The following KLF8 variants were observed in gnomAD, a reference collection of about 807,000 sequenced individuals.
The protein encoded by KLF8 is KLF transcription factor 8.
A neutral mutation model predicts 18.2 loss-of-function variants in KLF8; 10 were observed. That is an observed-to-expected ratio of 0.55 (90% CI 0.34 to 0.93). KLF8 has a LOEUF of 0.93. Among genes scored for constraint, KLF8 ranks in the 40% least tolerant of loss-of-function variants. KLF8 has a pLI of 0.02. For synonymous variants in KLF8, 109 were observed against 97.3 expected, an observed-to-expected ratio of 1.12 and a Z score of -0.71; for missense variants, 264 against 277.9, an observed-to-expected ratio of 0.95 and a Z score of 0.36.
the KLF8 span, among the ~76,000 whole-genome samples, chrX:55,973,274 C>T: frequency 6.6e-4 from 74 of 111,663 alleles, no homozygotes; most frequent in African/African-American, 2.2e-3. Flanking sequence ...CTAAGACATA[C>T]TATTTTGGAC....
intron 5 of KLF8, among the ~76,000 whole-genome samples, chrX:56,283,948 CT>C (rs1339990382): frequency 8.9e-6 from 1 of 111,956 alleles, no homozygotes; most frequent in African/African-American, 3.2e-5. Context: ...GCTTCCCACT[CT>C]AACATCTTGG....
chrX:56,161,520 A>G, the KLF8 span, among the ~76,000 whole-genome samples: 1 of 111,216 alleles, frequency 9.0e-6, no homozygotes, highest in Middle Eastern at 4.6e-3. Context: ...CATTCATTTG[A>G]TCTTCCATCA....
the KLF8 span, among the ~76,000 whole-genome samples, chrX:56,007,307 G>A: frequency 9.0e-6 from 1 of 110,896 alleles, no homozygotes; most frequent in African/African-American, 3.3e-5. Flanking sequence ...GGTGGGAGTC[G>A]TACTCTCAAA....
chrX:56,049,163 T>G, the KLF8 span, among the ~76,000 whole-genome samples: 3 of 111,800 alleles, frequency 2.7e-5, no homozygotes, highest in African/African-American at 9.8e-5. Flanking sequence ...AAGGAGATTT[T>G]GGGCTGAGAC....
chrX:56,142,586 C>T, the KLF8 span, among the ~76,000 whole-genome samples: 11 of 111,804 alleles, frequency 9.8e-5, no homozygotes, highest in East Asian at 2.8e-3. Context: ...AAACCATACC[C>T]CTGAAATTAT....
the KLF8 span, among the ~76,000 whole-genome samples, chrX:56,163,562 G>T: frequency 1.8e-5 from 2 of 111,926 alleles, no homozygotes; most frequent in African/African-American, 6.5e-5. Context: ...ACCCTTGATA[G>T]TTTCTGTTGC....
At chrX:56,137,957 G>T in the KLF8 span, among the ~76,000 whole-genome samples, 5 of 97,371 alleles carry the variant, frequency 5.1e-5, no homozygotes, top group African/African-American at 7.6e-5. Flanking sequence ...TAGACTGCTA[G>T]ATAGACTAAT....
chrX:56,120,572 C>G, the KLF8 span, among the ~76,000 whole-genome samples: 7 of 111,510 alleles, frequency 6.3e-5, no homozygotes, highest in African/African-American at 2.3e-4. Flanking sequence ...TTTATACCAG[C>G]TCTCCAGAAA....
chrX:56,115,259 C>T, the KLF8 span, among the ~76,000 whole-genome samples: 9 of 110,917 alleles, frequency 8.1e-5, no homozygotes, highest in Non-Finnish European at 1.5e-4. Flanking sequence ...CACAAGAAAT[C>T]ATTTTTTAGG....
chrX:56,043,508 C>T, the KLF8 span, among the ~76,000 whole-genome samples: 1 of 111,381 alleles, frequency 9.0e-6, no homozygotes, highest in Non-Finnish European at 1.9e-5. Context: ...AGGTTTTCTT[C>T]ATTCCTTTTT....
At chrX:55,989,406 G>A in the KLF8 span, among the ~76,000 whole-genome samples, 9 of 112,268 alleles carry the variant, frequency 8.0e-5, no homozygotes, top group Non-Finnish European at 1.7e-4. Flanking sequence ...AGATTTTTTA[G>A]CACGAAGGGC....
At chrX:56,062,096 TG>T in the KLF8 span, among the ~76,000 whole-genome samples, 1 of 106,952 alleles carries the variant, frequency 9.3e-6, no homozygotes, top group Admixed American at 1.0e-4. Context: ...AGCACAGTGA[TG>T]GGTCTTGACT....
intron 1 of KLF8, among the ~76,000 whole-genome samples, chrX:56,244,188 T>G (rs1410235467): frequency 3.6e-5 from 4 of 111,976 alleles, no homozygotes; most frequent in Admixed American, 1.9e-4. Context: ...TTCCTCATTT[T>G]TAAATTTCAT....
At chrX:55,948,106 G>T in the KLF8 span, among the ~76,000 whole-genome samples, 1 of 112,036 alleles carries the variant, frequency 8.9e-6, no homozygotes, top group Admixed American at 9.5e-5. Flanking sequence ...CTTGCAAACA[G>T]GTTTATTTTT....
chrX:55,928,839 AT>A, the KLF8 span, among the ~76,000 whole-genome samples: 1 of 111,972 alleles, frequency 8.9e-6, no homozygotes, highest in East Asian at 2.8e-4. Flanking sequence ...ATATGTGTGC[AT>A]GTGTCTTTGT....
the KLF8 span, among the ~76,000 whole-genome samples, chrX:55,937,768 G>A: frequency 3.6e-5 from 4 of 112,245 alleles, no homozygotes; most frequent in Non-Finnish European, 7.5e-5. Flanking sequence ...GGAAGAAAGA[G>A]TATCAGCGAT....
chrX:56,025,514 AAT>A, the KLF8 span, among the ~76,000 whole-genome samples: 2 of 111,886 alleles, frequency 1.8e-5, no homozygotes, highest in African/African-American at 6.5e-5. Context: ...TTTGTACATG[AAT>A]ATGATTCATG....
chrX:56,043,614 T>C, the KLF8 span, among the ~76,000 whole-genome samples: 10 of 112,269 alleles, frequency 8.9e-5, no homozygotes, highest in Non-Finnish European at 1.5e-4. Flanking sequence ...ATTCTGTGAT[T>C]GATACTTGTG....
chrX:56,208,578 T>A, the KLF8 span, among the ~76,000 whole-genome samples: 2 of 111,676 alleles, frequency 1.8e-5, 1 homozygote, highest in African/African-American at 6.5e-5. Flanking sequence ...TTGAAGATTT[T>A]CTTGTTTTTT....
Sources: gnomAD v4.1 joint callset for allele counts (sites outside exome capture counted in the v4.1 genomes callset) on GRCh38, gnomAD v4.1.1 for gene constraint, MANE v1.5 for transcripts, NCBI Gene and HGNC (gene_info 2026-07-23, HGNC 2026-07-21) for gene names.